The following ADGRG6 variants were observed in gnomAD, a reference collection of about 807,000 sequenced individuals.
ADGRG6 encodes the protein G-protein coupled receptor 126.
In ADGRG6, 84 loss-of-function variants were observed where a neutral mutation model predicts 142.4. The observed-to-expected ratio is 0.59, with a 90% CI of 0.49 to 0.71. The LOEUF (loss-of-function observed/expected upper bound fraction) is 0.71, where lower values mean the gene tolerates loss of function less well. Ranked by LOEUF, ADGRG6 falls within the 30% of genes least tolerant of loss-of-function variation. The pLI, the probability that ADGRG6 is intolerant of heterozygous loss-of-function variation, is 0.00. For missense variants in ADGRG6, 1,367 were observed against 1,466.6 expected (o/e 0.93, Z 1.11); for synonymous variants, 521 against 520.5 (o/e 1.00, Z -0.01).
At chr6:142,386,408 T>G (rs1562356989) in intron 6 of ADGRG6, among the ~76,000 whole-genome samples, 1 of 152,192 alleles carries the variant, frequency 6.6e-6, no homozygotes, top group African/African-American at 2.4e-5. Flanking sequence ...TATTAAACAT[T>G]GCAGTTAATA....
At chr6:142,414,737 G>A (rs1776267808) in intron 18 of ADGRG6, among the ~76,000 whole-genome samples, 1 of 152,278 alleles carries the variant, frequency 6.6e-6, no homozygotes, top group Middle Eastern at 3.4e-3. Flanking sequence ...GGGAAAGAAG[G>A]TAATGATGAA....
intron 20 of ADGRG6, 47 bp downstream of exon 20, chr6:142,416,111 T>C (rs769270659): frequency 2.1e-6 from 3 of 1,428,164 alleles, no homozygotes; most frequent in Non-Finnish European, 2.9e-6. Context: ...CTCATGAAAA[T>C]TGCCAGATTC....
At chr6:142,387,133 T>C (rs1047876843) in intron 6 of ADGRG6, among the ~76,000 whole-genome samples, 2 of 152,346 alleles carry the variant, frequency 1.3e-5, no homozygotes, top group African/African-American at 4.8e-5. Flanking sequence ...TTTCAGGATA[T>C]GGGTAATCTG....
chr6:142,360,323 C>G (rs2114821389), intron 2 of ADGRG6, among the ~76,000 whole-genome samples: 1 of 152,182 alleles, frequency 6.6e-6, no homozygotes, highest in East Asian at 1.9e-4. Context: ...ATGTGATGAA[C>G]ATTTAGGTAT....
chr6:142,375,928 T>C (rs1177456854), intron 4 of ADGRG6, among the ~76,000 whole-genome samples: 2 of 152,212 alleles, frequency 1.3e-5, no homozygotes, highest in Non-Finnish European at 2.9e-5. Flanking sequence ...CTAACGATTT[T>C]AGTATATGAC....
intron 2 of ADGRG6, among the ~76,000 whole-genome samples, chr6:142,331,486 A>G (rs571490825): frequency 5.3e-5 from 8 of 152,152 alleles, no homozygotes; most frequent in East Asian, 1.9e-4. Context: ...TATGACGAAA[A>G]TGCAGTGGGA....
At chr6:142,423,580 G>T (rs1459299909) in intron 22 of ADGRG6, among the ~76,000 whole-genome samples, 1 of 147,118 alleles carries the variant, frequency 6.8e-6, no homozygotes, top group Non-Finnish European at 1.5e-5. Context: ...TAGCCTTGTA[G>T]TATAGTTTGA....
intron 23 of ADGRG6, chr6:142,437,905 A>C (rs535503041): frequency 7.6e-4 from 196 of 257,988 alleles, no homozygotes; most frequent in African/African-American, 4.1e-3. Context: ...AAAAAAAAAA[A>C]AAAACTGAAA....
intron 2 of ADGRG6, among the ~76,000 whole-genome samples, chr6:142,363,267 G>A (rs997626063): frequency 6.6e-6 from 1 of 151,902 alleles, no homozygotes; most frequent in East Asian, 1.9e-4. Context: ...AGATTTTAAA[G>A]AATAGGCATT....
intron 2 of ADGRG6, among the ~76,000 whole-genome samples, chr6:142,312,477 G>A (rs1777815526): frequency 6.6e-6 from 1 of 151,976 alleles, no homozygotes; most frequent in South Asian, 2.1e-4. Context: ...TAACAATTTA[G>A]AATATTTACA....
chr6:142,328,392 G>A (rs1203935154), intron 2 of ADGRG6, among the ~76,000 whole-genome samples: 1 of 152,004 alleles, frequency 6.6e-6, no homozygotes, highest in Non-Finnish European at 1.5e-5. Flanking sequence ...TTGTAGAGAT[G>A]GTGTTTCACC....
At chr6:142,347,280 C>T (rs879043042) in intron 2 of ADGRG6, among the ~76,000 whole-genome samples, 1 of 152,060 alleles carries the variant, frequency 6.6e-6, no homozygotes, top group Admixed American at 6.6e-5. Context: ...CTGCCATCCA[C>T]GTCAGTATCC....
intron 2 of ADGRG6, among the ~76,000 whole-genome samples, chr6:142,363,286 A>G (rs1400961389): frequency 1.3e-5 from 2 of 152,136 alleles, no homozygotes; most frequent in African/African-American, 4.8e-5. Context: ...TTTGGATTTT[A>G]TAAAGAAGTA....
intron 18 of ADGRG6, among the ~76,000 whole-genome samples, chr6:142,412,834 T>C (rs1381128594): frequency 6.6e-6 from 1 of 152,176 alleles, no homozygotes; most frequent in African/African-American, 2.4e-5. Context: ...ATTTCAACTA[T>C]GTGCATGTTG....
intron 22 of ADGRG6, among the ~76,000 whole-genome samples, chr6:142,426,273 G>A (rs556366426): frequency 1.3e-5 from 2 of 152,284 alleles, no homozygotes; most frequent in South Asian, 4.2e-4. Flanking sequence ...GATACAATGG[G>A]GGTACAGGCA....
At chr6:142,309,193 A>G (rs938713141) in intron 1 of ADGRG6, among the ~76,000 whole-genome samples, 1 of 151,912 alleles carries the variant, frequency 6.6e-6, no homozygotes, top group Non-Finnish European at 1.5e-5. Context: ...TTCTACCCAG[A>G]TGAACATGAG....
At chr6:142,378,969 G>A (rs778699527) in intron 4 of ADGRG6, among the ~76,000 whole-genome samples, 13 of 151,988 alleles carry the variant, frequency 8.6e-5, no homozygotes, top group Non-Finnish European at 1.6e-4. Flanking sequence ...AATATCTGTG[G>A]TTCCATCCTG....
At chr6:142,330,851 T>G (rs1305808364) in intron 2 of ADGRG6, among the ~76,000 whole-genome samples, 1 of 152,174 alleles carries the variant, frequency 6.6e-6, no homozygotes, top group African/African-American at 2.4e-5. Flanking sequence ...TGATTTTCAA[T>G]TTATTATACA....
At chr6:142,441,585 A>C (rs1452291262) in intron 24 of ADGRG6, among the ~76,000 whole-genome samples, 1 of 152,196 alleles carries the variant, frequency 6.6e-6, no homozygotes. Context: ...ATTGGATCAC[A>C]TTGTTGAAAT....
Sources: gnomAD v4.1 joint callset for allele counts (sites outside exome capture counted in the v4.1 genomes callset) on GRCh38, gnomAD v4.1.1 for gene constraint, MANE v1.5 for transcripts, NCBI Gene and HGNC (gene_info 2026-07-23, HGNC 2026-07-21) for gene names.